Variants in PTPN13 observed in about 807,000 individuals in gnomAD.
PTPN13 encodes the protein tyrosine-protein phosphatase non-receptor type 13.
A neutral mutation model predicts 284.0 loss-of-function variants in PTPN13; 191 were observed. That is an observed-to-expected ratio of 0.67 (90% CI 0.60 to 0.76). PTPN13 has a LOEUF of 0.76. Among genes scored for constraint, PTPN13 ranks in the 30% least tolerant of loss-of-function variants. The pLI is 0.00. For synonymous variants in PTPN13, 986 were observed against 1,022.3 expected (o/e 0.96, Z 0.68); for missense variants, 2,797 against 2,939.9 (o/e 0.95, Z 1.12).
Position 86,689,037 on chromosome 4 carries a change from A to G in PTPN13, c.393A>G (p.Ile131Met). 6.3e-7 allele frequency: 1 copy of G among 1,579,812 alleles called. No homozygotes were observed. The highest frequency in any genetic ancestry group is 8.7e-7 in the Non-Finnish European group (1 of 1,148,840). ...AGCTTGGAGATCATCTCAACAGCAT[A>G]CTGCTTGGAATGTGTGAGGATGTTA... ...PIKLGDHLNS[I>M]LLGMCEDVIY... is the part of the protein sequence containing the mutation. The change falls in exon 5 of 48, where the codon ATA becomes ATG. Residue 131 changes from isoleucine (I) to methionine (M), a missense_variant. Ile to Met is a conservative substitution (Grantham distance 10). Coordinates refer to ENST00000411767, the MANE Select transcript of PTPN13 (RefSeq NM_080683.3).
intron 40 of PTPN13, among the ~76,000 whole-genome samples, chr4:86,788,741 G>A (rs1296718089): frequency 1.3e-5 from 2 of 152,190 alleles, no homozygotes; most frequent in African/African-American, 4.8e-5. Context: ...TAATTTTGCT[G>A]GGGATAATAG....
chr4:86,656,000 A>C (rs1725754761), intron 2 of PTPN13, among the ~76,000 whole-genome samples: 2 of 152,042 alleles, frequency 1.3e-5, no homozygotes, highest in Non-Finnish European at 2.9e-5. Context: ...TTTGATCTTC[A>C]GTCACTGATA....
chr4:86,707,989 C>T (rs1366360669), intron 7 of PTPN13, among the ~76,000 whole-genome samples: 1 of 152,142 alleles, frequency 6.6e-6, no homozygotes, highest in Non-Finnish European at 1.5e-5. Flanking sequence ...AAAGAAGTGT[C>T]TACTGTGTTT....
At chr4:86,679,455 G>A (rs764592539) in intron 3 of PTPN13, among the ~76,000 whole-genome samples, 5 of 152,092 alleles carry the variant, frequency 3.3e-5, no homozygotes, top group Non-Finnish European at 5.9e-5. Flanking sequence ...CATCACCTGG[G>A]AAACTTTTAG....
intron 40 of PTPN13, among the ~76,000 whole-genome samples, chr4:86,795,417 A>G (rs1743221631): frequency 6.6e-6 from 1 of 152,222 alleles, no homozygotes; most frequent in African/African-American, 2.4e-5. Context: ...GTGGAGAAAT[A>G]GGAACGCTTT....
intron 2 of PTPN13, among the ~76,000 whole-genome samples, chr4:86,656,217 C>G (rs1380191268): frequency 6.6e-6 from 1 of 152,114 alleles, no homozygotes; most frequent in Non-Finnish European, 1.5e-5. Context: ...GAAGTTTGAT[C>G]ATCTGAAGCC....
chr4:86,692,404 A>C (rs1254915751), intron 5 of PTPN13, among the ~76,000 whole-genome samples: 2 of 152,214 alleles, frequency 1.3e-5, no homozygotes, highest in Non-Finnish European at 2.9e-5. Flanking sequence ...ATACCACCTT[A>C]GATGGGTTTT....
At chr4:86,626,620 G>A (rs1721868740) in intron 1 of PTPN13, among the ~76,000 whole-genome samples, 1 of 152,106 alleles carries the variant, frequency 6.6e-6, no homozygotes, top group Non-Finnish European at 1.5e-5. Context: ...TTTTATTAGT[G>A]AGAGTGCAAA....
intron 2 of PTPN13, among the ~76,000 whole-genome samples, chr4:86,665,897 C>T (rs746202070): frequency 2.0e-5 from 3 of 152,118 alleles, no homozygotes; most frequent in Non-Finnish European, 4.4e-5. Flanking sequence ...ATGTAGTCTA[C>T]ATCTGGTATC....
At chr4:86,637,919 A>G (rs1723233805) in intron 2 of PTPN13, among the ~76,000 whole-genome samples, 1 of 151,702 alleles carries the variant, frequency 6.6e-6, no homozygotes, top group Admixed American at 6.6e-5. Context: ...ATGATTGTAT[A>G]TCTAGAAAAC....
chr4:86,710,661 T>C (rs367797744), intron 7 of PTPN13, among the ~76,000 whole-genome samples: 5 of 152,210 alleles, frequency 3.3e-5, no homozygotes, highest in Admixed American at 2.6e-4. Flanking sequence ...CAAGAACTTA[T>C]GGCAAAACAC....
chr4:86,769,031 G>T (rs773347666), intron 28 of PTPN13, among the ~76,000 whole-genome samples: 1 of 151,660 alleles, frequency 6.6e-6, no homozygotes, highest in Non-Finnish European at 1.5e-5. Flanking sequence ...TCTTTAAATA[G>T]ATTTTTTTTT....
intron 2 of PTPN13, among the ~76,000 whole-genome samples, chr4:86,670,080 G>A (rs1727563457): frequency 6.7e-6 from 1 of 150,330 alleles, no homozygotes; most frequent in Non-Finnish European, 1.5e-5. Context: ...GGAAGAATCT[G>A]GAAAAAAATA....
chr4:86,799,267 A>G, intron 42 of PTPN13, 63 bp downstream of exon 42: 5 of 1,012,140 alleles, frequency 4.9e-6, no homozygotes, highest in Non-Finnish European at 7.2e-6. Flanking sequence ...TTTTTAAGTG[A>G]TTTTCAGACT....
chr4:86,692,007 T>C (rs891000355), intron 5 of PTPN13, among the ~76,000 whole-genome samples: 3 of 152,216 alleles, frequency 2.0e-5, no homozygotes, highest in Non-Finnish European at 2.9e-5. Context: ...CAATCATCCA[T>C]ATTATTAAAC....
chr4:86,734,551 A>G (rs993334022), intron 13 of PTPN13, 95 bp downstream of exon 13: 112 of 1,296,716 alleles, frequency 8.6e-5, no homozygotes, highest in Admixed American at 1.2e-4. Flanking sequence ...CCAATCAATG[A>G]TAATGTCTGC....
Position 86,784,476 on chromosome 4 carries a change from A to G in PTPN13, c.6036A>G (p.Glu2012=). ...PNDSFSTVAG[E]EINEISYPKG... is the part of the protein sequence containing the mutation. ...GTTTTATGCTTTAGGTTGCTGGGGA[A>G]GAAATAAATGAAATATCGTACCCCA... The change falls in exon 38 of 48, where the codon GAA becomes GAG. Residue 2012 remains glutamate (E), a synonymous_variant. Transcript: ENST00000411767. 6.2e-7 allele frequency: 1 copy of G among 1,604,314 alleles called. No homozygotes were observed. Among genetic ancestry groups the G allele is most frequent in the African/African-American group, 1.3e-5 (1 of 74,514 alleles).
At chr4:86,767,727 T>G (rs1329964768) in intron 27 of PTPN13, 90 bp from the exon 28 acceptor site, 4 of 1,069,328 alleles carry the variant, frequency 3.7e-6, no homozygotes, top group Non-Finnish European at 3.8e-6. Context: ...CTTTAAATGA[T>G]TTTATACCAT....
intron 1 of PTPN13, among the ~76,000 whole-genome samples, chr4:86,601,702 T>C (rs1764304379): frequency 6.6e-6 from 1 of 152,154 alleles, no homozygotes; most frequent in African/African-American, 2.4e-5. Flanking sequence ...AAGATTGTAT[T>C]GAGATACTAA....
Sources: gnomAD v4.1 joint callset for allele counts (sites outside exome capture counted in the v4.1 genomes callset) on GRCh38, gnomAD v4.1.1 for gene constraint, MANE v1.5 for transcripts, NCBI Gene and HGNC (gene_info 2026-07-23, HGNC 2026-07-21) for gene names.